SLC24A2: variants seen among roughly 807,000 people sequenced by gnomAD.
The protein encoded by SLC24A2 is solute carrier family 24 member 2.
SLC24A2 carries 36 observed loss-of-function variants against 62.0 expected under a neutral mutation model. That is an observed-to-expected ratio of 0.58 (90% CI 0.44 to 0.77). The LOEUF is 0.77. SLC24A2 is among the 30% of genes least tolerant of loss of function. The pLI is 0.00. For missense variants in SLC24A2, 846 were observed against 817.9 expected (o/e 1.03, Z -0.42); for synonymous variants, 358 against 294.0 (o/e 1.22, Z -2.23).
the SLC24A2 span, among the ~76,000 whole-genome samples, chr9:20,034,725 C>T: frequency 1.3e-5 from 2 of 152,202 alleles, no homozygotes; most frequent in Admixed American, 6.5e-5. Flanking sequence ...GCCTTGACCT[C>T]CCAAAGTGCT....
chr9:19,577,958 A>G (rs1836080527), intron 5 of SLC24A2, among the ~76,000 whole-genome samples: 1 of 151,814 alleles, frequency 6.6e-6, no homozygotes, highest in Non-Finnish European at 1.5e-5. Context: ...GAGATTGGAG[A>G]CTCTTATTCT....
chr9:19,790,462 A>C (rs1823302040), upstream of SLC24A2, among the ~76,000 whole-genome samples: 1 of 147,416 alleles, frequency 6.8e-6, no homozygotes, highest in Admixed American at 7.0e-5. Flanking sequence ...AACTACCACT[A>C]GGGTTGTGTC....
At chr9:19,579,521 A>G (rs2132858780) in intron 5 of SLC24A2, among the ~76,000 whole-genome samples, 1 of 152,346 alleles carries the variant, frequency 6.6e-6, no homozygotes, top group South Asian at 2.1e-4. Context: ...GCTTCTTCTA[A>G]TAAAATCATC....
the SLC24A2 span, among the ~76,000 whole-genome samples, chr9:20,261,151 C>G: frequency 6.6e-6 from 1 of 152,138 alleles, no homozygotes; most frequent in African/African-American, 2.4e-5. Flanking sequence ...AGCCACTGCA[C>G]CCGGCCCAAT....
intron 2 of SLC24A2, among the ~76,000 whole-genome samples, chr9:19,770,417 C>T (rs1822650603): frequency 1.3e-5 from 2 of 152,066 alleles, no homozygotes; most frequent in Non-Finnish European, 2.9e-5. Flanking sequence ...AGGATAGTCA[C>T]ATTAGAGCAA....
chr9:20,083,353 C>T, the SLC24A2 span, among the ~76,000 whole-genome samples: 11 of 152,248 alleles, frequency 7.2e-5, no homozygotes, highest in African/African-American at 2.2e-4. Context: ...CAAATGGATA[C>T]GAAACAGTGG....
the SLC24A2 span, among the ~76,000 whole-genome samples, chr9:20,197,082 G>A: frequency 6.6e-6 from 1 of 152,100 alleles, no homozygotes; most frequent in East Asian, 1.9e-4. Context: ...TTATGTGATG[G>A]GGGGATTCTT....
chr9:19,946,999 G>C, the SLC24A2 span, among the ~76,000 whole-genome samples: 9 of 152,204 alleles, frequency 5.9e-5, no homozygotes, highest in Admixed American at 2.0e-4. Context: ...TAAAACCCCT[G>C]TCAATAGCAA....
At chr9:19,867,861 T>G in the SLC24A2 span, among the ~76,000 whole-genome samples, 2 of 152,140 alleles carry the variant, frequency 1.3e-5, no homozygotes, top group Admixed American at 6.5e-5. Context: ...TGAGCCAAGA[T>G]TGCCCCACTG....
the SLC24A2 span, among the ~76,000 whole-genome samples, chr9:20,037,998 A>G: frequency 6.6e-6 from 1 of 152,204 alleles, no homozygotes; most frequent in Non-Finnish European, 1.5e-5. Flanking sequence ...AAACATCAGA[A>G]TTGGGAGGGT....
chr9:19,640,379 C>T (rs1424197892), intron 2 of SLC24A2, among the ~76,000 whole-genome samples: 2 of 152,176 alleles, frequency 1.3e-5, no homozygotes, highest in African/African-American at 2.4e-5. Context: ...TAAAAAACAC[C>T]TTCATATTAC....
chr9:19,923,484 T>C, the SLC24A2 span, among the ~76,000 whole-genome samples: 1 of 152,150 alleles, frequency 6.6e-6, no homozygotes, highest in South Asian at 2.1e-4. Context: ...CCTGGCTCTT[T>C]CCACTCCCTA....
the SLC24A2 span, among the ~76,000 whole-genome samples, chr9:20,109,414 T>G: frequency 1.3e-5 from 2 of 151,958 alleles, no homozygotes; most frequent in Non-Finnish European, 2.9e-5. Flanking sequence ...CTGACAAGAG[T>G]GGTTCATTGT....
At chr9:20,091,549 A>G in the SLC24A2 span, among the ~76,000 whole-genome samples, 8 of 152,270 alleles carry the variant, frequency 5.3e-5, no homozygotes, top group East Asian at 1.5e-3. Context: ...CCTATATTCA[A>G]AATTCTTGAA....
rs567289942 is a variant in SLC24A2 at position 19,735,511 on chromosome 9, A to T, written c.930+50426T>A. The stretch of plus-strand genomic sequence containing the variant: ...ACCCAGCCATCCCATTACTGGGTAT[A>T]TACCCAAAGGATTATAAATCATGCT... On this transcript the variant is annotated intron_variant, in intron 2 of 10. Coordinates refer to ENST00000341998, the MANE Select transcript of SLC24A2 (RefSeq NM_020344.4). Among the ~76,000 whole-genome samples, 312 of 152,302 alleles carry T rather than the reference A, an allele frequency of 2.0e-3. 1 individual carries two copies. The highest frequency in any genetic ancestry group is 3.2e-3 in the Non-Finnish European group (218 of 68,020).
the SLC24A2 span, among the ~76,000 whole-genome samples, chr9:19,836,336 C>G: frequency 3.3e-5 from 5 of 151,916 alleles, no homozygotes; most frequent in African/African-American, 1.2e-4. Context: ...ACTAGCAAGA[C>G]TAATAAAGAA....
the SLC24A2 span, among the ~76,000 whole-genome samples, chr9:20,058,132 A>G: frequency 6.6e-6 from 1 of 152,210 alleles, no homozygotes; most frequent in Admixed American, 6.6e-5. Flanking sequence ...AGGGCAGTTA[A>G]CATGTTGTGA....
the SLC24A2 span, among the ~76,000 whole-genome samples, chr9:20,052,269 C>T: frequency 2.0e-5 from 3 of 152,258 alleles, no homozygotes; most frequent in Middle Eastern, 3.4e-3. Flanking sequence ...AATCCCAACT[C>T]CCCTTCTATG....
the SLC24A2 span, among the ~76,000 whole-genome samples, chr9:20,059,906 G>C: frequency 3.3e-5 from 5 of 151,888 alleles, no homozygotes; most frequent in Non-Finnish European, 5.9e-5. Context: ...ACACGATTAG[G>C]TAAGTTCAAG....
Sources: allele counts gnomAD v4.1 joint callset (sites outside exome capture counted in the v4.1 genomes callset), GRCh38; gene constraint gnomAD v4.1.1; transcripts MANE v1.5; gene names NCBI Gene and HGNC (gene_info 2026-07-23, HGNC 2026-07-21).